Variants in PRNP observed in about 807,000 individuals in gnomAD.
PRNP encodes major prion protein.
In PRNP, 15 loss-of-function variants were observed where a neutral mutation model predicts 21.3. The observed-to-expected ratio is 0.71, with a 90% CI of 0.47 to 1.09. PRNP has a LOEUF of 1.09. Ranked by LOEUF, PRNP falls within the 50% of genes least tolerant of loss-of-function variation. The probability of loss-of-function intolerance (pLI) is 0.00; values close to 1 mark genes in which losing one functional copy is unlikely to be tolerated. For synonymous variants in PRNP, 121 were observed against 123.1 expected, an observed-to-expected ratio of 0.98 and a Z score of 0.11; for missense variants, 285 against 340.9, an observed-to-expected ratio of 0.84 and a Z score of 1.29.
At chr20:4,695,167 G>T (rs1173105480) in intron 1 of PRNP, among the ~76,000 whole-genome samples, 1 of 151,800 alleles carries the variant, frequency 6.6e-6, no homozygotes, top group African/African-American at 2.4e-5. Context: ...AAGTTCAAGG[G>T]TACAAGTGCA....
chr20:4,694,650 T>G (rs1302318696), intron 1 of PRNP, among the ~76,000 whole-genome samples: 1 of 152,148 alleles, frequency 6.6e-6, no homozygotes, highest in African/African-American at 2.4e-5. Context: ...AAATTCGATT[T>G]TCATCTCTAT....
At chr20:4,688,580 C>A (rs963549794) in intron 1 of PRNP, among the ~76,000 whole-genome samples, 1 of 152,260 alleles carries the variant, frequency 6.6e-6, no homozygotes, top group South Asian at 2.1e-4. Context: ...GTATTCCTAG[C>A]AGAATGATCT....
At chr20:4,690,491 C>T (rs1054578384) in intron 1 of PRNP, among the ~76,000 whole-genome samples, 4 of 152,196 alleles carry the variant, frequency 2.6e-5, no homozygotes, top group South Asian at 2.1e-4. Flanking sequence ...TCTCTAGTTC[C>T]GCTGTTTTGC....
chr20:4,694,083 G>A (rs6084834), intron 1 of PRNP, among the ~76,000 whole-genome samples: 7,202 of 69,312 alleles, frequency 0.1, 209 homozygotes, highest in Admixed American at 0.18. Context: ...CCTGTCTCAA[G>A]AAAAAAAAAA....
chr20:4,689,834 A>G lies in PRNP; in HGVS notation c.-11+3322A>G, dbSNP rs569721825. Among the ~76,000 whole-genome samples the G allele has an allele frequency of 2.6e-4, 39 of 152,278 alleles. 2 individuals carry two copies. The South Asian group carries it at 7.9e-3, about 31-fold the overall frequency. Reference sequence around the variant, plus strand: ...TTTTCTCCAACTGCATTCTACTTAAACTGTTACAGTATTGTGTGATCACTT... The same window carrying G: ...TTTTCTCCAACTGCATTCTACTTAAGCTGTTACAGTATTGTGTGATCACTT... On this transcript the variant is annotated intron_variant, in intron 1 of 1. Transcript: ENST00000379440.
chr20:4,700,907 G>GA lies in PRNP; in HGVS notation c.*928dup, dbSNP rs1922564994. 6.0e-6 allele frequency: 1 copy of GA among 166,788 alleles called. No individual in the cohort carries two copies. Among genetic ancestry groups the GA allele is most frequent in the African/African-American group, 2.4e-5 (1 of 41,458 alleles). 10.3% of individuals were successfully genotyped at this position (166,788 alleles called of 1,614,324 possible). On this transcript the variant is annotated 3_prime_UTR_variant, in exon 2 of 2. Transcript: ENST00000379440. The surrounding 1 kb of genome is among the most constrained non-coding windows in gnomAD (Gnocchi z 4.1). ...TGACATACAGGAGAGCTGCAGTTGT[G>GA]AAAGCACCATCATCATAGAGGATGA... is the stretch of plus-strand genomic sequence containing the variant.
chr20:4,699,336 C>A lies in PRNP; in HGVS notation c.116C>A (p.Pro39Gln). 1 of 1,613,720 alleles carries A rather than the reference C, an allele frequency of 6.2e-7. No homozygotes were observed. The highest frequency in any genetic ancestry group is 8.5e-7 in the Non-Finnish European group (1 of 1,179,932). ...GGWNTGGSRY[P>Q]GQGSPGGNRY... ...TGGAACACTGGGGGCAGCCGATACC[C>A]GGGGCAGGGCAGCCCTGGAGGCAAC... Residue 39 changes from proline to glutamine, a missense_variant, in exon 2 of 2, where the codon CCG becomes CAG. Physicochemically the swap from Pro to Gln is moderately conservative, Grantham distance 76. Coordinates refer to ENST00000379440, the MANE Select transcript of PRNP (RefSeq NM_000311.5). This position sits in a 1 kb window ranked among gnomAD's most constrained non-coding sequence, Gnocchi z 5.8.
chr20:4,692,901 A>G (rs1400050536), intron 1 of PRNP, among the ~76,000 whole-genome samples: 1 of 152,136 alleles, frequency 6.6e-6, no homozygotes, highest in Non-Finnish European at 1.5e-5. Flanking sequence ...TTGACCCTTT[A>G]TCCCATTGGC....
rs374116108 is a variant in PRNP at position 4,700,069 on chromosome 20, G to A, written c.*87G>A. 2.1e-5 allele frequency: 33 copies of A among 1,551,228 alleles called. No homozygotes were observed. The East Asian group carries it at 3.9e-4, about 18-fold the overall frequency. ...CACCTGCAGCCCTTTTAGTGGTGGT[G>A]TCTCACTCTTTCTTCTCTCTTTGTC... On this transcript the variant is annotated 3_prime_UTR_variant, in exon 2 of 2. Transcript: ENST00000379440. The surrounding 1 kb of genome is among the most constrained non-coding windows in gnomAD (Gnocchi z 4.1).
intron 1 of PRNP, among the ~76,000 whole-genome samples, chr20:4,687,060 G>C (rs1921493430): frequency 6.6e-6 from 1 of 152,020 alleles, no homozygotes; most frequent in Non-Finnish European, 1.5e-5. Flanking sequence ...TGGGGGGATG[G>C]AGAGAGGGGC....
At position 4,696,420 on chromosome 20, in the gene PRNP, A is replaced by G. The variant is rs371869041; in HGVS notation, c.-10-2791A>G. Among the ~76,000 whole-genome samples, 11 of 152,314 alleles carry G rather than the reference A, an allele frequency of 7.2e-5. No individual in the cohort carries two copies. The South Asian group carries it at 1.2e-3, about 17-fold the overall frequency. Reference sequence around the variant, plus strand: ...TGAATATCTGTATTTTCTTCTGGTCAGTTATTGCTACTGTAGAGGAATGCC... The same window carrying G: ...TGAATATCTGTATTTTCTTCTGGTCGGTTATTGCTACTGTAGAGGAATGCC... On this transcript the variant is annotated intron_variant, in intron 1 of 1. Coordinates refer to ENST00000379440, the MANE Select transcript of PRNP (RefSeq NM_000311.5).
chr20:4,699,072 C>A lies in PRNP; in HGVS notation c.-10-139C>A. 2.9e-6 allele frequency: 3 copies of A among 1,036,750 alleles called. No homozygotes were observed. The highest frequency in any genetic ancestry group is 2.0e-5 in the Admixed American group (1 of 50,352). 64.2% of individuals were successfully genotyped at this position (1,036,750 alleles called of 1,614,324 possible). A position where few individuals can be genotyped will look rare whatever the true frequency, so the allele number is the denominator to read the frequency against. ...CTTACTTTTGCTTTTGTCCTAAGTG[C>A]TTCAGAGAAGTACAGGGTGGCAACA... is the stretch of plus-strand genomic sequence containing the variant. On this transcript the variant is annotated intron_variant, in intron 1 of 1. Coordinates refer to ENST00000379440, the MANE Select transcript of PRNP (RefSeq NM_000311.5). The surrounding 1 kb of genome is among the most constrained non-coding windows in gnomAD (Gnocchi z 5.8).
At chr20:4,698,252 G>A (rs931213334) in intron 1 of PRNP, among the ~76,000 whole-genome samples, 1 of 152,076 alleles carries the variant, frequency 6.6e-6, no homozygotes. Context: ...ATTTGCTTAT[G>A]ACCACCAAGG....
rs1568535674 is a variant in PRNP at position 4,699,919 on chromosome 20, C to T, written c.699C>T (p.Val233=). The stretch of plus-strand genomic sequence containing the variant: ...ATTACCAGAGAGGATCGAGCATGGT[C>T]CTCTTCTCCTCTCCACCTGTGATCC... ...QAYYQRGSSM[V]LFSSPPVILL... Residue 233 remains valine (V), a synonymous_variant, in exon 2 of 2, where the codon GTC becomes GTT. Transcript: ENST00000379440. This position sits in a 1 kb window ranked among gnomAD's most constrained non-coding sequence, Gnocchi z 5.8. 6.2e-7 allele frequency: 1 copy of T among 1,613,844 alleles called. No individual in the cohort carries two copies. Among genetic ancestry groups the T allele is most frequent in the Non-Finnish European group, 8.5e-7 (1 of 1,179,926 alleles).
In PRNP at chr20:4,699,432, G is replaced by A. The variant is rs1355212975; in HGVS notation, c.212G>A (p.Gly71Asp). 1 of 1,611,810 alleles carries A rather than the reference G, an allele frequency of 6.2e-7. No homozygotes were observed. The highest frequency in any genetic ancestry group is 8.5e-7 in the Non-Finnish European group (1 of 1,178,996). The stretch of plus-strand genomic sequence containing the variant: ...GGTGGCTGGGGGCAGCCTCATGGTG[G>A]TGGCTGGGGGCAGCCCCATGGTGGT... ...HGGGWGQPHG[G>D]GWGQPHGGGW... The change falls in exon 2 of 2, where the codon GGT becomes GAT. Residue 71 changes from glycine to aspartate, a missense_variant. Physicochemically the swap from Gly to Asp is moderately conservative, Grantham distance 94 (BLOSUM62 -1). Transcript: ENST00000379440. This position sits in a 1 kb window ranked among gnomAD's most constrained non-coding sequence, Gnocchi z 5.8.
At chr20:4,690,027 ATGT>A (rs1231619321) in intron 1 of PRNP, among the ~76,000 whole-genome samples, 1 of 152,018 alleles carries the variant, frequency 6.6e-6, no homozygotes, top group Non-Finnish European at 1.5e-5. Flanking sequence ...GGTTCCAGCA[ATGT>A]TGTTTTTTAA....
At position 4,688,179 on chromosome 20, in the gene PRNP, GT is replaced by G. The variant is rs1439365021; in HGVS notation, c.-11+1670del. 3.3e-5 allele frequency among the ~76,000 whole-genome samples: 5 copies of G among 152,172 alleles called. 1 individual carries two copies. The East Asian group carries it at 9.6e-4, about 29-fold the overall frequency. ...CACAATAAAATGCAAATTAGAGCATGTTTGGGTTATCATTTTACATCTATTA... is the reference window on the plus strand; with the variant it reads ...CACAATAAAATGCAAATTAGAGCATGTTGGGTTATCATTTTACATCTATTA... On this transcript the variant is annotated intron_variant, in intron 1 of 1. Transcript: ENST00000379440.
intron 1 of PRNP, among the ~76,000 whole-genome samples, chr20:4,689,886 G>A (rs933806331): frequency 3.9e-5 from 6 of 152,168 alleles, no homozygotes; most frequent in Non-Finnish European, 8.8e-5. Flanking sequence ...TCAGTGAAAA[G>A]CATTATAAAT....
rs1191357075 is a variant in PRNP at position 4,699,072 on chromosome 20, CT to C, written c.-10-137del. On this transcript the variant is annotated intron_variant, in intron 1 of 1. Transcript: ENST00000379440. The surrounding 1 kb of genome is among the most constrained non-coding windows in gnomAD (Gnocchi z 5.8). ...CTTACTTTTGCTTTTGTCCTAAGTG[CT>C]TCAGAGAAGTACAGGGTGGCAACAG... is the stretch of plus-strand genomic sequence containing the variant. 3 of 1,036,754 alleles carry C rather than the reference CT, an allele frequency of 2.9e-6. No homozygotes were observed. Among genetic ancestry groups the C allele is most frequent in the East Asian group, 5.0e-5 (2 of 39,934 alleles). 64.2% of individuals were successfully genotyped at this position (1,036,754 alleles called of 1,614,324 possible).
Sources: gnomAD v4.1 joint callset for allele counts (sites outside exome capture counted in the v4.1 genomes callset) on GRCh38, gnomAD v4.1.1 for gene constraint, Gnocchi (gnomAD v3.1) non-coding constraint, MANE v1.5 for transcripts, NCBI Gene and HGNC (gene_info 2026-07-23, HGNC 2026-07-21) for gene names.